PPARG: variants seen among roughly 807,000 people sequenced by gnomAD.
The protein encoded by PPARG is peroxisome proliferator-activated receptor gamma.
In PPARG, 17 loss-of-function variants were observed where a neutral mutation model predicts 39.2. That is an observed-to-expected ratio of 0.43 (90% CI 0.30 to 0.65). PPARG has a LOEUF of 0.65. Among genes scored for constraint, PPARG ranks in the 30% least tolerant of loss-of-function variants. PPARG has a pLI of 0.13. For missense variants in PPARG, 406 were observed against 585.9 expected (o/e 0.69, Z 3.17); for synonymous variants, 223 against 215.7 (o/e 1.03, Z -0.30).
chr3:12,330,643 G>T (rs2047832665), intron 2 of PPARG, among the ~76,000 whole-genome samples: 2 of 152,140 alleles, frequency 1.3e-5, no homozygotes, highest in Admixed American at 6.6e-5. Flanking sequence ...TTTTTGTGCT[G>T]TTGCTAAAAT....
intron 2 of PPARG, among the ~76,000 whole-genome samples, chr3:12,347,740 G>A (rs571017659): frequency 5.5e-4 from 83 of 152,248 alleles, no homozygotes; most frequent in Admixed American, 4.6e-3. Flanking sequence ...TTATCAGTTC[G>A]TTAGGTCTCT....
rs192845929 is a variant in PPARG, at chr3:12,295,058, G to A, written c.-83+5924G>A. Among the ~76,000 whole-genome samples the A allele has an allele frequency of 2.8e-3, 430 of 152,180 alleles. 2 individuals carry two copies. The highest frequency in any genetic ancestry group is 9.5e-3 in the African/African-American group (396 of 41,504). On this transcript the variant is annotated intron_variant, in intron 1 of 7. Coordinates refer to ENST00000651735, the MANE Select transcript of PPARG (RefSeq NM_138711.6). ...AGGTGGTATTTAGCAGTTAGGTATG[G>A]GCTACCCTCGTGCCTCATGACTAAT...
intron 2 of PPARG, among the ~76,000 whole-genome samples, chr3:12,312,756 A>T (rs2047283884): frequency 6.6e-6 from 1 of 152,150 alleles, no homozygotes; most frequent in Non-Finnish European, 1.5e-5. Flanking sequence ...AGTAATAATT[A>T]CATTATTTTA....
intron 2 of PPARG, chr3:12,371,990 C>T (rs934536528): frequency 1.4e-6 from 1 of 716,458 alleles, no homozygotes; most frequent in South Asian, 1.5e-5. Context: ...AAGTTGGAAC[C>T]ACAGTTATGA....
At chr3:12,359,775 C>G (rs1267270160) in intron 2 of PPARG, among the ~76,000 whole-genome samples, 1 of 150,052 alleles carries the variant, frequency 6.7e-6, no homozygotes, top group Non-Finnish European at 1.5e-5. Flanking sequence ...CCTGGGTTCA[C>G]ACAATCCTCC....
At chr3:12,327,966 A>AT (rs2047740725) in intron 2 of PPARG, 1 of 758,930 alleles carries the variant, frequency 1.3e-6, no homozygotes, top group Non-Finnish European at 2.3e-6. Flanking sequence ...TAAAATGGGA[A>AT]TAAATAGTAT....
chr3:12,287,811 C>A (rs2046541137), upstream of PPARG: 1 of 98,062 alleles, frequency 1.0e-5, no homozygotes, highest in African/African-American at 3.3e-5. Flanking sequence ...CCCGCCCCCG[C>A]CCCCGCCCCC....
chr3:12,382,751 C>G (rs1245695442), intron 4 of PPARG, among the ~76,000 whole-genome samples: 1 of 152,196 alleles, frequency 6.6e-6, no homozygotes, highest in East Asian at 1.9e-4. Flanking sequence ...AGGAGGATCA[C>G]TTGAGCCCAG....
chr3:12,289,310 TAAAAG>T (rs2046590569), intron 1 of PPARG, among the ~76,000 whole-genome samples, 176 bp downstream of exon 1: 1 of 152,206 alleles, frequency 6.6e-6, no homozygotes. Context: ...GTCATTGTTA[TAAAAG>T]AAATCAAGTC....
At chr3:12,303,421 G>A (rs946534028) in intron 1 of PPARG, among the ~76,000 whole-genome samples, 4 of 152,008 alleles carry the variant, frequency 2.6e-5, no homozygotes, top group South Asian at 2.1e-4. Flanking sequence ...GGCTGGTTTC[G>A]AACTCCTGAC....
chr3:12,346,941 A>C (rs1479505611), intron 2 of PPARG, among the ~76,000 whole-genome samples: 1 of 152,098 alleles, frequency 6.6e-6, no homozygotes, highest in Non-Finnish European at 1.5e-5. Flanking sequence ...TAGCAGCATT[A>C]TTTTCCTTTA....
chr3:12,433,311 G>A (rs2051723735), intron 7 of PPARG, among the ~76,000 whole-genome samples: 1 of 152,154 alleles, frequency 6.6e-6, no homozygotes, highest in African/African-American at 2.4e-5. Flanking sequence ...GCCAAGGCGG[G>A]TGGATCACTT....
At chr3:12,326,796 A>G (rs2047708272) in intron 2 of PPARG, among the ~76,000 whole-genome samples, 1 of 152,170 alleles carries the variant, frequency 6.6e-6, no homozygotes, top group African/African-American at 2.4e-5. Context: ...AATACTGATC[A>G]AGACCAACCA....
intron 2 of PPARG, among the ~76,000 whole-genome samples, chr3:12,315,837 G>A (rs1559490714): frequency 6.6e-6 from 1 of 152,164 alleles, no homozygotes; most frequent in Non-Finnish European, 1.5e-5. Flanking sequence ...GTTGGTGACA[G>A]TGAGGGTCTA....
chr3:12,306,623 G>A (rs1373088559), intron 1 of PPARG, among the ~76,000 whole-genome samples: 1 of 152,134 alleles, frequency 6.6e-6, no homozygotes, highest in Admixed American at 6.5e-5. Context: ...ACCTATACAG[G>A]TGTAACCATA....
At chr3:12,399,137 G>T (rs1575115001) in intron 5 of PPARG, among the ~76,000 whole-genome samples, 1 of 152,270 alleles carries the variant, frequency 6.6e-6, no homozygotes, top group Admixed American at 6.5e-5. Context: ...CATCAACGAA[G>T]TGTTCAGTGA....
intron 1 of PPARG, among the ~76,000 whole-genome samples, chr3:12,296,054 C>G (rs986178085): frequency 6.6e-6 from 1 of 151,290 alleles, no homozygotes; most frequent in Non-Finnish European, 1.5e-5. Flanking sequence ...GAGTTTGAGA[C>G]CAGCCTGGCC....
chr3:12,297,715 G>A (rs764189978), intron 1 of PPARG, among the ~76,000 whole-genome samples: 13 of 152,134 alleles, frequency 8.5e-5, no homozygotes, highest in South Asian at 2.1e-4. Context: ...GTTTGGGTCC[G>A]TGATCTACTT....
At chr3:12,340,256 C>T (rs2048145253) in intron 2 of PPARG, among the ~76,000 whole-genome samples, 1 of 152,202 alleles carries the variant, frequency 6.6e-6, no homozygotes, top group Admixed American at 6.5e-5. Context: ...TCCCAAGTAA[C>T]AATTAAGCAA....
Sources: gnomAD v4.1 joint callset for allele counts (sites outside exome capture counted in the v4.1 genomes callset) on GRCh38, gnomAD v4.1.1 for gene constraint, MANE v1.5 for transcripts, NCBI Gene and HGNC (gene_info 2026-07-23, HGNC 2026-07-21) for gene names.